Variants in CARMIL1 observed in about 807,000 individuals in gnomAD.
CARMIL1 encodes capping protein regulator and myosin 1 linker 1, also known as F-actin-uncapping protein LRRC16A.
In CARMIL1, 90 loss-of-function variants were observed where a neutral mutation model predicts 177.1. The observed-to-expected ratio is 0.51, with a 90% CI of 0.43 to 0.61. CARMIL1 has a LOEUF of 0.61. CARMIL1 is among the 20% of genes least tolerant of loss of function. The pLI is 0.00. For synonymous variants in CARMIL1, 577 were observed against 606.2 expected (o/e 0.95, Z 0.71); for missense variants, 1,380 against 1,667.0 (o/e 0.83, Z 3.00).
intron 24 of CARMIL1, among the ~76,000 whole-genome samples, chr6:25,537,225 T>C (rs1016750103): frequency 4.6e-5 from 7 of 152,232 alleles, no homozygotes; most frequent in Non-Finnish European, 7.3e-5. Flanking sequence ...CTAGATGATA[T>C]TGACTTCATT....
At chr6:25,307,698 TG>T in intron 2 of CARMIL1, among the ~76,000 whole-genome samples, 1 of 152,382 alleles carries the variant, frequency 6.6e-6, no homozygotes, top group Middle Eastern at 3.4e-3. Flanking sequence ...AGGCTTCCAC[TG>T]GGATCTGAAA....
chr6:25,506,419 G>A (rs896607281), intron 17 of CARMIL1, among the ~76,000 whole-genome samples: 2 of 152,156 alleles, frequency 1.3e-5, no homozygotes, highest in African/African-American at 2.4e-5. Context: ...GGTAGTGCAC[G>A]CCTGTAATCC....
intron 5 of CARMIL1, among the ~76,000 whole-genome samples, chr6:25,443,683 A>C (rs746773283): frequency 6.6e-6 from 1 of 152,266 alleles, no homozygotes; most frequent in Non-Finnish European, 1.5e-5. Flanking sequence ...AAATGCTAAC[A>C]GTCACCTGAG....
chr6:25,350,128 C>T (rs942649711), intron 2 of CARMIL1, among the ~76,000 whole-genome samples: 1 of 152,172 alleles, frequency 6.6e-6, no homozygotes, highest in African/African-American at 2.4e-5. Flanking sequence ...TCCTCTCGGT[C>T]TAAGAGAGAG....
At chr6:25,461,323 G>C (rs1193744162) in intron 8 of CARMIL1, among the ~76,000 whole-genome samples, 1 of 152,206 alleles carries the variant, frequency 6.6e-6, no homozygotes, top group Admixed American at 6.5e-5. Flanking sequence ...TAGCTTTCAA[G>C]CCTCATTTCT....
intron 27 of CARMIL1, among the ~76,000 whole-genome samples, chr6:25,551,434 T>G (rs918892471): frequency 1.3e-5 from 2 of 152,186 alleles, no homozygotes; most frequent in Admixed American, 6.6e-5. Flanking sequence ...ATCAGTTTGC[T>G]TTTTACCGTC....
chr6:25,348,139 A>C (rs1005615377), intron 2 of CARMIL1, among the ~76,000 whole-genome samples: 3 of 152,022 alleles, frequency 2.0e-5, no homozygotes, highest in African/African-American at 7.2e-5. Context: ...CACTTAAAGC[A>C]CTTCTTTTCT....
At chr6:25,472,586 G>C in intron 11 of CARMIL1, 65 bp downstream of exon 11, 1 of 1,325,428 alleles carries the variant, frequency 7.5e-7, no homozygotes. Flanking sequence ...TTTTAATTTA[G>C]CCATGCCTGA....
rs59911299 is a variant in CARMIL1, at chr6:25,619,733, C to CTTT, written c.*176_*178dup. ...TTTCGCCCCCACCCCCATCCCCTGC[C>CTTT]TTTTTTTTTTTTTTTTTTTTTTTTT... is the stretch of plus-strand genomic sequence containing the variant. On this transcript the variant is annotated 3_prime_UTR_variant, in exon 37 of 37. Transcript: ENST00000329474. 1.0e-3 allele frequency: 97 copies of CTTT among 93,300 alleles called. 1 individual carries two copies. Among genetic ancestry groups the CTTT allele is most frequent in the Admixed American group, 1.1e-3 (6 of 5,256 alleles). 5.8% of individuals were successfully genotyped at this position (93,300 alleles called of 1,614,324 possible).
At position 25,481,929 on chromosome 6, in the gene CARMIL1, G is replaced by A. The variant is rs982725220; in HGVS notation, c.875-328G>A. On this transcript the variant is annotated intron_variant, in intron 11 of 36. Transcript: ENST00000329474. ...CATTAAGACAGGTTAAAAAGAAAAG[G>A]GGTTAACAATTATCCTTTCCAAGAG... is the stretch of plus-strand genomic sequence containing the variant. Among the ~76,000 whole-genome samples the A allele has an allele frequency of 2.0e-5, 3 of 152,226 alleles. 1 individual carries two copies. Among genetic ancestry groups the A allele is most frequent in the Admixed American group, 6.5e-5 (1 of 15,300 alleles).
chr6:25,565,958 CATT>C (rs1202581928), intron 29 of CARMIL1, among the ~76,000 whole-genome samples: 1 of 152,214 alleles, frequency 6.6e-6, no homozygotes, highest in African/African-American at 2.4e-5. Flanking sequence ...CAAATAGAAT[CATT>C]GAGTTCCCCC....
chr6:25,466,626 G>A (rs951279122), intron 9 of CARMIL1, among the ~76,000 whole-genome samples: 4 of 152,106 alleles, frequency 2.6e-5, no homozygotes, highest in Admixed American at 6.5e-5. Flanking sequence ...AGACTCTCAC[G>A]TTTAAGCCTC....
intron 2 of CARMIL1, among the ~76,000 whole-genome samples, chr6:25,333,245 C>A (rs950377462): frequency 6.6e-6 from 1 of 152,108 alleles, no homozygotes; most frequent in African/African-American, 2.4e-5. Context: ...TTCTTGACAG[C>A]AGAACTTTTC....
At chr6:25,345,224 A>C (rs1354451239) in intron 2 of CARMIL1, among the ~76,000 whole-genome samples, 1 of 152,106 alleles carries the variant, frequency 6.6e-6, no homozygotes, top group African/African-American at 2.4e-5. Flanking sequence ...CCCTCCATGA[A>C]ATACATTCTT....
intron 23 of CARMIL1, among the ~76,000 whole-genome samples, chr6:25,521,688 G>A (rs1806575818): frequency 6.7e-6 from 1 of 149,672 alleles, no homozygotes; most frequent in Non-Finnish European, 1.5e-5. Context: ...AGAATGGCGT[G>A]AACCCGGGAG....
chr6:25,354,320 G>A (rs1788370352), intron 2 of CARMIL1, among the ~76,000 whole-genome samples: 3 of 142,456 alleles, frequency 2.1e-5, no homozygotes, highest in Admixed American at 1.5e-4. Flanking sequence ...CACCACACTT[G>A]ACTAATTAAA....
At chr6:25,298,573 A>T (rs578088551) in intron 2 of CARMIL1, among the ~76,000 whole-genome samples, 1 of 152,072 alleles carries the variant, frequency 6.6e-6, no homozygotes, top group South Asian at 2.1e-4. Flanking sequence ...GCAGATCTGC[A>T]TGTATTTAGA....
intron 26 of CARMIL1, 146 bp downstream of exon 26, chr6:25,540,224 C>T (rs943323120): frequency 2.6e-5 from 19 of 737,654 alleles, no homozygotes; most frequent in East Asian, 2.1e-4. Flanking sequence ...TGTGTCTTTT[C>T]CAGCTTCATT....
intron 2 of CARMIL1, chr6:25,350,669 C>G (rs1370846848): frequency 6.6e-6 from 1 of 152,090 alleles, no homozygotes; most frequent in Non-Finnish European, 1.5e-5. Flanking sequence ...GAAGTAATTC[C>G]TTTAAAGTTC....
Sources: allele counts gnomAD v4.1 joint callset (sites outside exome capture counted in the v4.1 genomes callset), GRCh38; gene constraint gnomAD v4.1.1; transcripts MANE v1.5; gene names NCBI Gene and HGNC (gene_info 2026-07-23, HGNC 2026-07-21).